CDH23: variants seen among roughly 807,000 people sequenced by gnomAD.
CDH23 encodes the protein cadherin-23.
A neutral mutation model predicts 317.1 loss-of-function variants in CDH23; 189 were observed. The observed-to-expected ratio is 0.60, with a 90% CI of 0.53 to 0.67. The LOEUF (loss-of-function observed/expected upper bound fraction) is 0.67. Ranked by LOEUF, CDH23 falls within the 30% of genes least tolerant of loss-of-function variation. The pLI, the probability that CDH23 is intolerant of heterozygous loss-of-function variation, is 0.00. For missense variants in CDH23, 4,401 were observed against 4,592.4 expected (o/e 0.96, Z 1.20); for synonymous variants, 1,839 against 1,876.8 (o/e 0.98, Z 0.52).
At chr10:71,663,001 G>A (rs1256397767) in intron 14 of CDH23, among the ~76,000 whole-genome samples, 5 of 152,186 alleles carry the variant, frequency 3.3e-5, no homozygotes, top group African/African-American at 9.7e-5. Flanking sequence ...CGTCTTCTCT[G>A]TGCCTTTCCT....
intron 9 of CDH23, among the ~76,000 whole-genome samples, chr10:71,600,089 G>A (rs1395903876): frequency 1.5e-5 from 2 of 132,608 alleles, no homozygotes; most frequent in Admixed American, 9.0e-5. Flanking sequence ...TGCAACCTCC[G>A]CCTCCCAGGT....
intron 3 of CDH23, among the ~76,000 whole-genome samples, chr10:71,446,830 G>A (rs900831501): frequency 2.0e-5 from 3 of 152,168 alleles, no homozygotes; most frequent in African/African-American, 4.8e-5. Flanking sequence ...TGCTCAGCCC[G>A]TCGCCCCATC....
chr10:71,454,459 G>C (rs1400085390), intron 3 of CDH23, among the ~76,000 whole-genome samples: 1 of 152,222 alleles, frequency 6.6e-6, no homozygotes, highest in South Asian at 2.1e-4. Context: ...CTTTCTATTG[G>C]AAGGCTGCTG....
chr10:71,426,131 G>A (rs1446853190), intron 1 of CDH23, among the ~76,000 whole-genome samples: 1 of 152,168 alleles, frequency 6.6e-6, no homozygotes, highest in Non-Finnish European at 1.5e-5. Flanking sequence ...AGTTGAACAG[G>A]CGGACACTAG....
intron 9 of CDH23, among the ~76,000 whole-genome samples, chr10:71,596,374 C>T (rs569602172): frequency 1.3e-5 from 2 of 152,162 alleles, no homozygotes; most frequent in Admixed American, 6.5e-5. Flanking sequence ...AGCCAGGATT[C>T]GAACCCAGGT....
intron 40 of CDH23, 34 bp from the exon 41 acceptor site, chr10:71,779,233 G>A (rs544580655): frequency 4.3e-6 from 7 of 1,610,322 alleles, no homozygotes; most frequent in Non-Finnish European, 5.9e-6. Flanking sequence ...GCTGGCTGGG[G>A]TGAGGCCTTG....
At chr10:71,398,292 G>A (rs528650096) in intron 1 of CDH23, among the ~76,000 whole-genome samples, 62 of 152,330 alleles carry the variant, frequency 4.1e-4, no homozygotes, top group South Asian at 4.1e-4. Flanking sequence ...TAGTAATTCA[G>A]AAAGCAGAGC....
At chr10:71,515,347 A>G (rs78870847) in intron 6 of CDH23, among the ~76,000 whole-genome samples, 2 of 143,864 alleles carry the variant, frequency 1.4e-5, no homozygotes, top group Middle Eastern at 6.9e-3. Context: ...GGCAATGGAT[A>G]CCTGTCTGTT....
intron 3 of CDH23, among the ~76,000 whole-genome samples, chr10:71,499,351 CAGG>C (rs1481721662): frequency 1.3e-5 from 2 of 151,272 alleles, no homozygotes; most frequent in African/African-American, 4.9e-5. Flanking sequence ...CACCTGAGGT[CAGG>C]AGTTCAAGAT....
Position 71,815,388 on chromosome 10 carries a change from G to T in CDH23, c.*110G>T. On this transcript the variant is annotated 3_prime_UTR_variant, in exon 70 of 70. Transcript: ENST00000224721. ...GGGGGACCCTCCAAGGCCAGGCCTT[G>T]GGGACAACCTTGGCTTGGCCCTGGC... 1 of 1,098,016 alleles carries T rather than the reference G, an allele frequency of 9.1e-7. No individual in the cohort carries two copies. The highest frequency in any genetic ancestry group is 1.3e-6 in the Non-Finnish European group (1 of 791,130). 68.0% of individuals were successfully genotyped at this position (1,098,016 alleles called of 1,614,324 possible). A position where few individuals can be genotyped will look rare whatever the true frequency, so the allele number is the denominator to read the frequency against.
chr10:71,695,626 G>A (rs893816631), intron 22 of CDH23, 101 bp downstream of exon 22: 7 of 793,050 alleles, frequency 8.8e-6, no homozygotes, highest in Non-Finnish European at 6.4e-6. Flanking sequence ...GGGGCTGGTG[G>A]ACTCTGTGTC....
chr10:71,762,620 C>G (rs1314912544), intron 38 of CDH23, among the ~76,000 whole-genome samples: 2 of 152,230 alleles, frequency 1.3e-5, no homozygotes, highest in African/African-American at 4.8e-5. Flanking sequence ...AATGCCAGCC[C>G]TCAGGGCACT....
At chr10:71,589,544 G>T (rs931760867) in intron 9 of CDH23, among the ~76,000 whole-genome samples, 1 of 152,166 alleles carries the variant, frequency 6.6e-6, no homozygotes, top group African/African-American at 2.4e-5. Context: ...ACAGACCCTA[G>T]GGAGAACCAA....
chr10:71,653,116 C>G (rs1259172787), intron 14 of CDH23, among the ~76,000 whole-genome samples: 1 of 152,124 alleles, frequency 6.6e-6, no homozygotes, highest in East Asian at 1.9e-4. Flanking sequence ...CCTCCTAGAG[C>G]TAACTGGCTT....
chr10:71,636,683 C>A (rs1449652667), intron 11 of CDH23, among the ~76,000 whole-genome samples: 1 of 152,186 alleles, frequency 6.6e-6, no homozygotes, highest in East Asian at 1.9e-4. Flanking sequence ...GCCCATGGTA[C>A]TCAAGGGCCA....
At chr10:71,453,604 C>T (rs1296721067) in intron 3 of CDH23, among the ~76,000 whole-genome samples, 1 of 152,246 alleles carries the variant, frequency 6.6e-6, no homozygotes, top group Non-Finnish European at 1.5e-5. Context: ...AAGGAACTGT[C>T]CCTCCTCCCT....
At chr10:71,714,570 G>A (rs1236863245) in intron 28 of CDH23, 1 of 152,338 alleles carries the variant, frequency 6.6e-6, no homozygotes, top group East Asian at 1.9e-4. Context: ...CAGTTAGTGG[G>A]TGACAGGTCT....
At chr10:71,630,586 G>A (rs531852484) in intron 11 of CDH23, among the ~76,000 whole-genome samples, 10 of 152,324 alleles carry the variant, frequency 6.6e-5, no homozygotes, top group South Asian at 2.1e-4. Flanking sequence ...TTCCTGATAC[G>A]GTAAAGCAGT....
chr10:71,686,784 G>A (rs980623971), intron 18 of CDH23, among the ~76,000 whole-genome samples: 1 of 152,178 alleles, frequency 6.6e-6, no homozygotes, highest in Non-Finnish European at 1.5e-5. Flanking sequence ...AAGTGGGCTG[G>A]GGAGGCTTCC....
Sources: gnomAD v4.1 joint callset for allele counts (sites outside exome capture counted in the v4.1 genomes callset) on GRCh38, gnomAD v4.1.1 for gene constraint, MANE v1.5 for transcripts, NCBI Gene and HGNC (gene_info 2026-07-23, HGNC 2026-07-21) for gene names.